SCP2: variants seen among roughly 807,000 people sequenced by gnomAD.
The protein encoded by SCP2 is sterol carrier protein 2, also known as SCP-2/3-oxoacyl-CoA thiolase.
A neutral mutation model predicts 71.4 loss-of-function variants in SCP2; 48 were observed. That is an observed-to-expected ratio of 0.67 (90% CI 0.53 to 0.86). The LOEUF is 0.86. SCP2 is among the 40% of genes least tolerant of loss of function. The probability of loss-of-function intolerance (pLI) is 0.00; values close to 1 mark genes in which losing one functional copy is unlikely to be tolerated. For missense variants in SCP2, 560 were observed against 655.6 expected, an observed-to-expected ratio of 0.85 and a Z score of 1.59; for synonymous variants, 220 against 218.1, an observed-to-expected ratio of 1.01 and a Z score of -0.08.
intron 6 of SCP2, among the ~76,000 whole-genome samples, chr1:52,967,333 T>C (rs913379761): frequency 3.9e-5 from 6 of 152,178 alleles, no homozygotes; most frequent in African/African-American, 1.2e-4. Context: ...ATCTATTTTT[T>C]TTTTTTAATG....
chr1:52,979,634 T>G (rs1298782266), intron 9 of SCP2, among the ~76,000 whole-genome samples: 1 of 152,206 alleles, frequency 6.6e-6, no homozygotes, highest in Non-Finnish European at 1.5e-5. Flanking sequence ...TCTCCCATAT[T>G]TTTCAGTGTA....
At chr1:53,050,365 T>G (rs1322755552) in intron 15 of SCP2, 1 of 450,094 alleles carries the variant, frequency 2.2e-6, no homozygotes, top group Admixed American at 3.4e-5. Context: ...GAAAACAGGC[T>G]CAATTTCTAT....
intron 11 of SCP2, chr1:52,993,306 G>A (rs768642643): frequency 2.5e-6 from 4 of 1,614,180 alleles, no homozygotes; most frequent in Non-Finnish European, 3.4e-6. Flanking sequence ...ACAAGTTCAT[G>A]GAAAGCTTGA....
chr1:52,990,665 C>T (rs371831144), intron 11 of SCP2, among the ~76,000 whole-genome samples: 14 of 127,742 alleles, frequency 1.1e-4, no homozygotes, highest in African/African-American at 3.9e-4. Context: ...ACCCGGGAGG[C>T]GGAGCCTGCA....
At chr1:53,023,414 A>G (rs80171040) in intron 12 of SCP2, among the ~76,000 whole-genome samples, 1,734 of 152,316 alleles carry the variant, frequency 0.011, 11 homozygotes, top group Non-Finnish European at 0.017. Flanking sequence ...AAGACGATAT[A>G]CTGTACCATA....
At chr1:52,963,407 A>G (rs1205916710) in intron 6 of SCP2, among the ~76,000 whole-genome samples, 3 of 151,872 alleles carry the variant, frequency 2.0e-5, no homozygotes, top group African/African-American at 7.3e-5. Context: ...TCTGCAGCAT[A>G]TTTAAATACT....
intron 6 of SCP2, among the ~76,000 whole-genome samples, chr1:52,963,062 A>G (rs756290014): frequency 6.6e-6 from 1 of 151,846 alleles, no homozygotes. Context: ...AAAAAAAAGA[A>G]TAGTGCCTGG....
intron 11 of SCP2, among the ~76,000 whole-genome samples, chr1:53,010,969 C>T (rs1572182205): frequency 1.3e-5 from 2 of 152,274 alleles, no homozygotes; most frequent in South Asian, 4.1e-4. Flanking sequence ...GTGAAATAAA[C>T]AGCCTTGTTG....
chr1:53,040,906 G>C (rs1396813672), intron 14 of SCP2, among the ~76,000 whole-genome samples: 1 of 152,154 alleles, frequency 6.6e-6, no homozygotes, highest in Non-Finnish European at 1.5e-5. Flanking sequence ...GTACACTGCT[G>C]CATTCCCAGT....
At chr1:53,011,025 A>G (rs1027282866) in intron 11 of SCP2, among the ~76,000 whole-genome samples, 35 of 152,212 alleles carry the variant, frequency 2.3e-4, no homozygotes, top group Admixed American at 2.2e-3. Flanking sequence ...GACGTGCGTG[A>G]CAAATTTTAT....
In SCP2 at chr1:52,976,766, G is replaced by A. The variant is rs1658007026; in HGVS notation, c.671G>A (p.Cys224Tyr). The change falls in exon 8 of 16, where the codon TGT (cysteine) becomes TAT (tyrosine). Residue 224 changes from cysteine (C) to tyrosine (Y), a missense_variant. By Grantham distance (194) the Cys-to-Tyr change is radical (BLOSUM62 -2). Coordinates refer to ENST00000371514, the MANE Select transcript of SCP2 (RefSeq NM_002979.5). ...EVFDFLTILQ[C>Y]CPTSDGAAAA... The stretch of plus-strand genomic sequence containing the variant: ...TTTGATTTTTTGACTATCTTACAAT[G>A]TTGGTAAGAAAAATATATTTTAACA... 1.4e-6 allele frequency: 2 copies of A among 1,391,350 alleles called. No individual in the cohort carries two copies. Among genetic ancestry groups the A allele is most frequent in the South Asian group, 2.3e-5 (2 of 86,526 alleles). 86.2% of individuals were successfully genotyped at this position (1,391,350 alleles called of 1,614,324 possible). A position where few individuals can be genotyped will look rare whatever the true frequency, so the allele number is the denominator to read the frequency against.
chr1:52,995,974 C>A, intron 11 of SCP2: 1 of 1,418,872 alleles, frequency 7.0e-7, no homozygotes, highest in Non-Finnish European at 9.2e-7. Flanking sequence ...TACCAGGATG[C>A]CACCACAGAA....
At chr1:53,036,813 A>G (rs1221820261) in intron 13 of SCP2, among the ~76,000 whole-genome samples, 4 of 151,886 alleles carry the variant, frequency 2.6e-5, no homozygotes, top group African/African-American at 9.7e-5. Flanking sequence ...CTGCATATAT[A>G]TGTACCAAAA....
chr1:52,965,810 G>GTT (rs371742850), intron 6 of SCP2, among the ~76,000 whole-genome samples: 83 of 140,272 alleles, frequency 5.9e-4, no homozygotes, highest in African/African-American at 1.6e-3. Context: ...AATTTTTGTA[G>GTT]TTTTTTTTTT....
chr1:53,015,166 C>T, intron 12 of SCP2, 123 bp downstream of exon 12: 1 of 980,222 alleles, frequency 1.0e-6, no homozygotes, highest in Non-Finnish European at 1.6e-6. Flanking sequence ...TATCTCATTA[C>T]ATTGTTTTAA....
At chr1:52,956,616 T>A (rs955738015) in intron 5 of SCP2, among the ~76,000 whole-genome samples, 2 of 152,142 alleles carry the variant, frequency 1.3e-5, no homozygotes, top group Admixed American at 6.6e-5. Context: ...AGGGAAAGCA[T>A]CATGAGCCTA....
intron 5 of SCP2, among the ~76,000 whole-genome samples, chr1:52,956,019 A>C (rs935621748): frequency 6.6e-6 from 1 of 152,154 alleles, no homozygotes; most frequent in African/African-American, 2.4e-5. Context: ...AAATGAAATA[A>C]ATAAAATTAA....
Position 53,051,144 on chromosome 1 carries a change from C to T in SCP2, c.*440C>T, listed in dbSNP as rs947721403. On this transcript the variant is annotated 3_prime_UTR_variant, in exon 16 of 16. Coordinates refer to ENST00000371514, the MANE Select transcript of SCP2 (RefSeq NM_002979.5). Reference sequence around the variant, plus strand: ...GCTGGCCAGTAATTAGTGTTGTGCACTTCATGTCATTAATCAATTTCTCAA... The same window carrying T: ...GCTGGCCAGTAATTAGTGTTGTGCATTTCATGTCATTAATCAATTTCTCAA... The T allele has an allele frequency of 2.6e-5, 4 of 153,920 alleles. No homozygotes were observed. The highest frequency in any genetic ancestry group is 9.7e-5 in the African/African-American group (4 of 41,450). The allele number at this position is 153,920 out of a possible 1,614,324, so 9.5% of individuals were successfully genotyped here.
chr1:52,954,559 T>C (rs1655624092), intron 4 of SCP2, among the ~76,000 whole-genome samples, 181 bp from the exon 5 acceptor site: 1 of 152,150 alleles, frequency 6.6e-6, no homozygotes, highest in Non-Finnish European at 1.5e-5. Flanking sequence ...CTATGTTGCC[T>C]GGCTGGTCTT....
Sources: allele counts gnomAD v4.1 joint callset (sites outside exome capture counted in the v4.1 genomes callset), GRCh38; gene constraint gnomAD v4.1.1; transcripts MANE v1.5; gene names NCBI Gene and HGNC (gene_info 2026-07-23, HGNC 2026-07-21).